Variants in TSHZ3 observed in about 807,000 individuals in gnomAD.
TSHZ3 encodes the protein teashirt homolog 3.
TSHZ3 carries 10 observed loss-of-function variants against 64.5 expected under a neutral mutation model. The observed-to-expected ratio is 0.16, with a 90% CI of 0.10 to 0.26. The LOEUF is 0.26. TSHZ3 is among the 10% of genes least tolerant of loss of function. The probability of loss-of-function intolerance (pLI) is 1.00; values close to 1 mark genes in which losing one functional copy is unlikely to be tolerated. For missense variants in TSHZ3, 1,242 were observed against 1,421.7 expected (o/e 0.87, Z 2.03); for synonymous variants, 608 against 593.1 (o/e 1.03, Z -0.36).
chr19:31,308,786 T>A (rs958313635), intron 1 of TSHZ3: 1 of 398,046 alleles, frequency 2.5e-6, no homozygotes, highest in South Asian at 1.3e-4. Context: ...CAGATTCAGA[T>A]CATCCTAGAG....
intron 1 of TSHZ3, among the ~76,000 whole-genome samples, chr19:31,304,265 G>A (rs988218298): frequency 3.3e-5 from 5 of 151,996 alleles, no homozygotes; most frequent in Non-Finnish European, 2.9e-5. Flanking sequence ...GAGTCACGGC[G>A]CCCAGTCCGA....
In TSHZ3 at chr19:31,187,388, C is replaced by T. The variant is rs1017143501; in HGVS notation, n.809+17568G>A. Among the ~76,000 whole-genome samples the T allele has an allele frequency of 4.7e-5, 5 of 107,102 alleles. No homozygotes were observed. In the South Asian group the frequency reaches 1.0e-3, roughly 22 times the overall value. The allele number at this position is 107,102 out of a possible 152,430, so 70.3% of individuals were successfully genotyped here. On this transcript the variant is annotated intron_variant and non_coding_transcript_variant, in intron 5 of 6. Coordinates refer to the TSHZ3 transcript ENST00000651361. ...AGCAGAATTGCATTGTACCAATTCACGTTTAATCGTGTTTTTTTTTTTAAT... is the reference window on the plus strand; with the variant it reads ...AGCAGAATTGCATTGTACCAATTCATGTTTAATCGTGTTTTTTTTTTTAAT...
chr19:31,291,350 G>A (rs1363876416), intron 1 of TSHZ3, among the ~76,000 whole-genome samples: 2 of 152,166 alleles, frequency 1.3e-5, no homozygotes, highest in Non-Finnish European at 2.9e-5. Context: ...TGCAATGAAA[G>A]AACCCCATTG....
intron 1 of TSHZ3, among the ~76,000 whole-genome samples, chr19:31,258,302 A>G (rs1293042795): frequency 2.0e-5 from 3 of 152,170 alleles, no homozygotes; most frequent in Non-Finnish European, 4.4e-5. Flanking sequence ...GCTCTCAGAC[A>G]CAGGAACGCA....
chr19:31,285,553 C>A (rs2145123045), intron 1 of TSHZ3, among the ~76,000 whole-genome samples: 1 of 150,246 alleles, frequency 6.7e-6, no homozygotes, highest in African/African-American at 2.4e-5. Flanking sequence ...GAGGCCGAGG[C>A]TGGGAGATTG....
intron 1 of TSHZ3, among the ~76,000 whole-genome samples, chr19:31,250,668 C>A (rs78960272): frequency 0.017 from 2,588 of 152,260 alleles, 72 homozygotes; most frequent in African/African-American, 0.06. Context: ...GAATCATGGT[C>A]TCCAGAAAAG....
chr19:31,296,482 C>T (rs1976664202), intron 1 of TSHZ3, among the ~76,000 whole-genome samples: 1 of 151,656 alleles, frequency 6.6e-6, no homozygotes, highest in Admixed American at 6.6e-5. Context: ...TTAAAGGTGC[C>T]CGCCACCATG....
intron 4 of TSHZ3, among the ~76,000 whole-genome samples, chr19:31,214,950 C>T (rs1195069345): frequency 2.0e-5 from 3 of 151,062 alleles, no homozygotes; most frequent in African/African-American, 7.3e-5. Context: ...GCATTCAACC[C>T]TCATCCATAG....
intron 1 of TSHZ3, among the ~76,000 whole-genome samples, chr19:31,304,977 C>CTATATATATTTACTATATAAATATAT (rs1976816422): frequency 6.6e-6 from 1 of 152,154 alleles, no homozygotes; most frequent in South Asian, 2.1e-4. Flanking sequence ...TGATCAGTTG[C>CTATATATATTTACTATATAAATATAT]ATAAATTTAC....
chr19:31,225,509 T>A (rs918729185), intron 4 of TSHZ3, among the ~76,000 whole-genome samples: 1 of 152,178 alleles, frequency 6.6e-6, no homozygotes, highest in African/African-American at 2.4e-5. Context: ...AATCTTGGCA[T>A]ACAGCCTTGT....
At chr19:31,313,282 G>A (rs1263119275) in intron 1 of TSHZ3, among the ~76,000 whole-genome samples, 3 of 152,210 alleles carry the variant, frequency 2.0e-5, no homozygotes, top group African/African-American at 7.2e-5. Context: ...GTTGGAGGAG[G>A]TAGTGGTTAT....
downstream of TSHZ3, among the ~76,000 whole-genome samples, chr19:31,274,631 C>T (rs562605552): frequency 4.6e-5 from 7 of 152,184 alleles, no homozygotes; most frequent in South Asian, 2.1e-4. Context: ...CCAGGTGTGA[C>T]CGGAAGCTCT....
intron 1 of TSHZ3, among the ~76,000 whole-genome samples, chr19:31,323,211 C>G (rs1916828033): frequency 6.6e-6 from 1 of 152,226 alleles, no homozygotes; most frequent in South Asian, 2.1e-4. Context: ...CCAGGCCTCC[C>G]TCTTCCAGCC....
At chr19:31,185,650 G>C (rs1353525061) in intron 5 of TSHZ3, among the ~76,000 whole-genome samples, 2 of 152,150 alleles carry the variant, frequency 1.3e-5, no homozygotes, top group Non-Finnish European at 2.9e-5. Flanking sequence ...GTCTTCCCCA[G>C]AGACACATTA....
chr19:31,168,517 G>A (rs2145111898), intron 5 of TSHZ3, among the ~76,000 whole-genome samples: 2 of 152,328 alleles, frequency 1.3e-5, no homozygotes, highest in East Asian at 3.9e-4. Flanking sequence ...ATTGGAGAGA[G>A]CAAAGCGCCT....
chr19:31,314,586 T>C (rs567807473), intron 1 of TSHZ3, among the ~76,000 whole-genome samples: 15 of 152,356 alleles, frequency 9.8e-5, no homozygotes, highest in Non-Finnish European at 2.1e-4. Flanking sequence ...ATTTGAGTGA[T>C]TGTGAATTGT....
At chr19:31,281,696 T>C (rs898518862) in intron 1 of TSHZ3, among the ~76,000 whole-genome samples, 2 of 152,168 alleles carry the variant, frequency 1.3e-5, no homozygotes, top group Admixed American at 1.3e-4. Context: ...GCTCCTGTGC[T>C]AGCCACAGTG....
chr19:31,249,945 G>T (rs527661629), intron 1 of TSHZ3, among the ~76,000 whole-genome samples: 1 of 152,320 alleles, frequency 6.6e-6, no homozygotes, highest in African/African-American at 2.4e-5. Context: ...GCTTCCTGGG[G>T]ATACAGAAAT....
intron 1 of TSHZ3, among the ~76,000 whole-genome samples, chr19:31,280,059 T>A (rs2145216583): frequency 6.6e-6 from 1 of 152,254 alleles, no homozygotes; most frequent in Non-Finnish European, 1.5e-5. Flanking sequence ...TGAAGCACAT[T>A]CTGGAGGTGG....
Sources: allele counts gnomAD v4.1 joint callset (sites outside exome capture counted in the v4.1 genomes callset), GRCh38; gene constraint gnomAD v4.1.1; transcripts MANE v1.5; gene names NCBI Gene and HGNC (gene_info 2026-07-23, HGNC 2026-07-21).